The following REDIC1 variants were observed in gnomAD, a reference collection of about 807,000 sequenced individuals.
REDIC1 encodes HEI10 Interacting Protein 1.
the REDIC1 span, among the ~76,000 whole-genome samples, chr12:39,672,759 C>G: frequency 2.0e-5 from 3 of 152,108 alleles, no homozygotes; most frequent in Non-Finnish European, 4.4e-5. Flanking sequence ...TACTGCAGCA[C>G]CCATCTAGAT....
chr12:39,841,738 GA>G, the REDIC1 span, among the ~76,000 whole-genome samples: 1 of 151,494 alleles, frequency 6.6e-6, no homozygotes. Flanking sequence ...TTTTTTCAGA[GA>G]AAAAAACAGT....
At chr12:39,764,817 C>A in the REDIC1 span, 1 of 1,612,250 alleles carries the variant, frequency 6.2e-7, no homozygotes, top group South Asian at 1.1e-5. Context: ...ATTGTAAGCC[C>A]AAAATATATC....
the REDIC1 span, among the ~76,000 whole-genome samples, chr12:39,810,034 G>C: frequency 2.6e-5 from 4 of 152,150 alleles, no homozygotes; most frequent in African/African-American, 9.7e-5. Context: ...TAATGGGATG[G>C]CTGGGGCAAA....
At chr12:39,684,221 G>T in the REDIC1 span, 1 of 1,011,000 alleles carries the variant, frequency 9.9e-7, no homozygotes, top group Middle Eastern at 4.1e-4. Flanking sequence ...TGCCTTCCAG[G>T]CTTTTCTGAA....
chr12:39,662,195 G>A, the REDIC1 span, among the ~76,000 whole-genome samples: 1 of 151,794 alleles, frequency 6.6e-6, no homozygotes, highest in Non-Finnish European at 1.5e-5. Context: ...TTTATTGACA[G>A]AGATTACATT....
chr12:39,648,876 T>G, the REDIC1 span, among the ~76,000 whole-genome samples: 1 of 151,792 alleles, frequency 6.6e-6, no homozygotes, highest in South Asian at 2.1e-4. Context: ...AAAATTTTTA[T>G]TAAAGACTTC....
the REDIC1 span, among the ~76,000 whole-genome samples, chr12:39,851,793 C>T: frequency 2.0e-5 from 3 of 152,090 alleles, no homozygotes; most frequent in Non-Finnish European, 4.4e-5. Context: ...TTAAGTACTC[C>T]TACATGGTTT....
the REDIC1 span, among the ~76,000 whole-genome samples, chr12:39,843,091 G>C: frequency 6.6e-6 from 1 of 152,086 alleles, no homozygotes; most frequent in South Asian, 2.1e-4. Context: ...TTGTGTAGAA[G>C]ATTTTGAGTA....
the REDIC1 span, among the ~76,000 whole-genome samples, chr12:39,662,667 G>A: frequency 3.9e-5 from 6 of 152,164 alleles, no homozygotes; most frequent in South Asian, 1.2e-3. Context: ...CCAATACCAT[G>A]TTGAATAGGA....
chr12:39,749,433 C>T, the REDIC1 span, among the ~76,000 whole-genome samples: 3 of 152,066 alleles, frequency 2.0e-5, no homozygotes, highest in Non-Finnish European at 4.4e-5. Flanking sequence ...AATTAATAGC[C>T]TACCAACCAA....
chr12:39,780,560 T>G, the REDIC1 span, among the ~76,000 whole-genome samples: 3 of 152,202 alleles, frequency 2.0e-5, no homozygotes, highest in South Asian at 6.2e-4. Context: ...ATATTCTCTT[T>G]TGACTCAGTA....
At chr12:39,899,324 G>T in the REDIC1 span, among the ~76,000 whole-genome samples, 1 of 152,110 alleles carries the variant, frequency 6.6e-6, no homozygotes, top group Non-Finnish European at 1.5e-5. Context: ...GATTGGTGGT[G>T]ATATCCCCTT....
the REDIC1 span, among the ~76,000 whole-genome samples, chr12:39,797,742 A>ATATG: frequency 5.2e-4 from 64 of 122,800 alleles, 1 homozygote; most frequent in African/African-American, 1.9e-3. Context: ...ACACACACAC[A>ATATG]CACACACACA....
At chr12:39,796,085 A>G in the REDIC1 span, among the ~76,000 whole-genome samples, 4 of 152,130 alleles carry the variant, frequency 2.6e-5, no homozygotes, top group East Asian at 3.8e-4. Flanking sequence ...TACTCTGTGT[A>G]TGGATTTGCT....
chr12:39,838,715 C>T, the REDIC1 span, among the ~76,000 whole-genome samples: 1 of 152,024 alleles, frequency 6.6e-6, no homozygotes, highest in Non-Finnish European at 1.5e-5. Flanking sequence ...TTTCACGTGG[C>T]ACCCAGGGTC....
chr12:39,723,361 T>C, the REDIC1 span, among the ~76,000 whole-genome samples: 1 of 152,150 alleles, frequency 6.6e-6, no homozygotes, highest in African/African-American at 2.4e-5. Context: ...GGCAGTTTTA[T>C]GGTCTATTCC....
At chr12:39,740,736 A>G in the REDIC1 span, among the ~76,000 whole-genome samples, 17 of 152,218 alleles carry the variant, frequency 1.1e-4, no homozygotes, top group African/African-American at 4.1e-4. Context: ...TTCAGAAAAT[A>G]TAATTTCCTT....
At chr12:39,705,984 GA>G in the REDIC1 span, among the ~76,000 whole-genome samples, 88 of 151,968 alleles carry the variant, frequency 5.8e-4, no homozygotes, top group Non-Finnish European at 1.2e-3. Flanking sequence ...TGAGACAAGA[GA>G]AAGAAATAAA....
chr12:39,628,025 C>T, the REDIC1 span, among the ~76,000 whole-genome samples: 1 of 152,028 alleles, frequency 6.6e-6, no homozygotes, highest in African/African-American at 2.4e-5. Flanking sequence ...TATAACTGGT[C>T]CTAGGCAGTT....
Sources: gnomAD v4.1 joint callset for allele counts (sites outside exome capture counted in the v4.1 genomes callset) on GRCh38, gnomAD v4.1.1 for gene constraint, MANE v1.5 for transcripts, NCBI Gene and HGNC (gene_info 2026-07-23, HGNC 2026-07-21) for gene names.